C10orf71: variants seen among roughly 807,000 people sequenced by gnomAD.
C10orf71 encodes the protein cardiac-enriched FHL2-interacting protein.
For missense variants in C10orf71, 1,869 were observed against 1,804.5 expected (o/e 1.04, Z -0.65); for synonymous variants, 758 against 726.3 (o/e 1.04, Z -0.70).
rs766572381 is a variant in C10orf71, at chr10:49,325,485, C to G, written c.2940C>G (p.Leu980=). The G allele has an allele frequency of 8.4e-6, 13 of 1,550,398 alleles. No individual in the cohort carries two copies. Among genetic ancestry groups the G allele is most frequent in the Non-Finnish European group, 2.6e-6 (3 of 1,146,176 alleles). ...VKAPPDAAPG[L]VASNCKSGSA... is the part of the protein sequence containing the mutation. ...CACCACCAGATGCTGCACCTGGCCTCGTGGCAAGCAATTGCAAGAGCGGTT... is the reference window on the plus strand; with the variant it reads ...CACCACCAGATGCTGCACCTGGCCTGGTGGCAAGCAATTGCAAGAGCGGTT... The change falls in exon 3 of 3, where the codon CTC becomes CTG. Residue 980 remains leucine (L), a synonymous_variant. Coordinates refer to ENST00000374144, the MANE Select transcript of C10orf71 (RefSeq NM_001135196.2).
intron 1 of C10orf71, among the ~76,000 whole-genome samples, chr10:49,309,211 T>C (rs562481194): frequency 6.6e-6 from 1 of 152,314 alleles, no homozygotes; most frequent in South Asian, 2.1e-4. Context: ...TGAATGTGTG[T>C]GCTCCAAAAT....
chr10:49,301,771 C>T (rs1397811654), intron 1 of C10orf71, among the ~76,000 whole-genome samples: 1 of 152,202 alleles, frequency 6.6e-6, no homozygotes, highest in East Asian at 1.9e-4. Context: ...AAGAAAATCC[C>T]AACAACCAAT....
At chr10:49,320,857 T>G (rs534989075) in intron 2 of C10orf71, among the ~76,000 whole-genome samples, 24 of 152,238 alleles carry the variant, frequency 1.6e-4, no homozygotes, top group Admixed American at 3.9e-4. Flanking sequence ...AAGGCGGAAG[T>G]TCCTCTTCCT....
At chr10:49,319,345 G>GA (rs56197902) in intron 2 of C10orf71, among the ~76,000 whole-genome samples, 16,433 of 138,510 alleles carry the variant, frequency 0.12, 995 homozygotes, top group Admixed American at 0.15. Context: ...CTTTCAAAAA[G>GA]AAAAAAAAAA....
At chr10:49,301,172 C>T (rs1848722494) in intron 1 of C10orf71, among the ~76,000 whole-genome samples, 1 of 152,154 alleles carries the variant, frequency 6.6e-6, no homozygotes, top group South Asian at 2.1e-4. Context: ...TGGGATTTTA[C>T]TCCATATGCC....
At position 49,323,578 on chromosome 10, in the gene C10orf71, A is replaced by T; in HGVS notation, c.1033A>T (p.Thr345Ser). Residue 345 changes from threonine to serine, a missense_variant, in exon 3 of 3, where the codon ACA (threonine) becomes TCA (serine). Transcript: ENST00000374144. ...ENRLAAGALS[T>S]SIPWGCRDPG... ...CAGACTTGCAGCAGGGGCTCTGTCC[A>T]CATCTATACCCTGGGGGTGCAGGGA... 3.7e-6 allele frequency: 6 copies of T among 1,603,702 alleles called. No individual in the cohort carries two copies. Among genetic ancestry groups the T allele is most frequent in the Non-Finnish European group, 5.1e-6 (6 of 1,175,302 alleles).
In C10orf71 at chr10:49,326,104, C is replaced by T. The variant is rs535959830; in HGVS notation, c.3559C>T (p.Leu1187=). The change falls in exon 3 of 3, where the codon CTG becomes TTG. Residue 1187 remains leucine (L), a synonymous_variant. Transcript: ENST00000374144. Reference sequence around the variant, plus strand: ...GAAAGCCCTGCGGCGGGCAAAGAAGCTGGCAAGTAAGAGGAGGAAGACGGA... The same window carrying T: ...GAAAGCCCTGCGGCGGGCAAAGAAGTTGGCAAGTAAGAGGAGGAAGACGGA... ...TEKALRRAKK[L]ASKRRKTDQA... The T allele has an allele frequency of 3.0e-4, 466 of 1,551,722 alleles. 5 individuals carry two copies. The South Asian group carries it at 4.9e-3, about 16-fold the overall frequency.
intron 1 of C10orf71, among the ~76,000 whole-genome samples, chr10:49,306,947 G>T (rs576611978): frequency 6.6e-6 from 1 of 152,324 alleles, no homozygotes; most frequent in East Asian, 1.9e-4. Flanking sequence ...AGGTGCAAGG[G>T]TAAGAAGGAT....
chr10:49,319,677 A>G (rs1001555142), intron 2 of C10orf71, among the ~76,000 whole-genome samples: 1 of 139,576 alleles, frequency 7.2e-6, no homozygotes, highest in Non-Finnish European at 1.5e-5. Context: ...GTACACACAC[A>G]CAAGCTATAT....
At position 49,325,712 on chromosome 10, in the gene C10orf71, C is replaced by T; in HGVS notation, c.3167C>T (p.Ser1056Phe). The T allele has an allele frequency of 6.4e-7, 1 of 1,551,648 alleles. No homozygotes were observed. Among genetic ancestry groups the T allele is most frequent in the Non-Finnish European group, 8.7e-7 (1 of 1,146,930 alleles). The change falls in exon 3 of 3, where the codon TCC (serine) becomes TTC (phenylalanine). Residue 1056 changes from serine (S) to phenylalanine (F), a missense_variant. Ser to Phe is a radical substitution (Grantham distance 155). Transcript: ENST00000374144. Reference sequence around the variant, plus strand: ...CTGGTCCCCAGTGAGAGGGCGAATTCCCCCAACCCCGGCTCCCCCGGGGAG... The same window carrying T: ...CTGGTCCCCAGTGAGAGGGCGAATTTCCCCAACCCCGGCTCCCCCGGGGAG... ...RRLVPSERAN[S>F]PNPGSPGESS...
Position 49,326,805 on chromosome 10 carries a change from C to T in C10orf71, c.4260C>T (p.Ile1420=). ...GTGTAGAAGCTCCAGGCCTGGGCATCATCTCCACTGATGACCTAGAGGACT... is the reference window on the plus strand; with the variant it reads ...GTGTAGAAGCTCCAGGCCTGGGCATTATCTCCACTGATGACCTAGAGGACT... ...EEGVEAPGLG[I]ISTDDLEDFA... The change falls in exon 3 of 3, where the codon ATC becomes ATT. Residue 1420 remains isoleucine, a synonymous_variant. Coordinates refer to ENST00000374144, the MANE Select transcript of C10orf71 (RefSeq NM_001135196.2). 1 of 1,549,680 alleles carries T rather than the reference C, an allele frequency of 6.5e-7. No homozygotes were observed. Among genetic ancestry groups the T allele is most frequent in the Non-Finnish European group, 8.7e-7 (1 of 1,146,970 alleles).
rs1377069613 is a variant in C10orf71 at position 49,325,686 on chromosome 10, A to G, written c.3141A>G (p.Arg1047=). 7 of 1,551,792 alleles carry G rather than the reference A, an allele frequency of 4.5e-6. No homozygotes were observed. The highest frequency in any genetic ancestry group is 6.1e-6 in the Non-Finnish European group (7 of 1,147,032). ...CCAGAGCAGGGCCCCCTGGCAGAAG[A>G]CTGGTCCCCAGTGAGAGGGCGAATT... ...STPRAGPPGR[R]LVPSERANSP... is the part of the protein sequence containing the mutation. The change falls in exon 3 of 3, where the codon AGA becomes AGG. Residue 1047 remains arginine, a synonymous_variant. Transcript: ENST00000374144.
intron 2 of C10orf71, among the ~76,000 whole-genome samples, chr10:49,316,939 AC>A (rs1849008986): frequency 1.3e-5 from 2 of 152,228 alleles, no homozygotes; most frequent in Non-Finnish European, 2.9e-5. Context: ...TATTCAAAAA[AC>A]AAATAGTGAA....
Position 49,326,495 on chromosome 10 carries a change from G to A in C10orf71, c.3950G>A (p.Gly1317Glu). The A allele has an allele frequency of 1.3e-6, 2 of 1,550,320 alleles. No individual in the cohort carries two copies. The highest frequency in any genetic ancestry group is 1.7e-6 in the Non-Finnish European group (2 of 1,146,748). Residue 1317 changes from glycine (G) to glutamate (E), a missense_variant, in exon 3 of 3, where the codon GGG becomes GAG. Transcript: ENST00000374144. ...YVKVSIPSSE[G>E]ASPEPPPPDA... ...AAGGTCTCCATCCCGTCCTCCGAGG[G>A]GGCCTCCCCAGAGCCGCCCCCACCG...
At position 49,327,029 on chromosome 10, in the gene C10orf71, G is replaced by T; in HGVS notation, c.*176G>T. ...CAGAAGGCAGTAGGGATCCCAAGAC[G>T]ACCTCACCCAAAGGGCTCCCTGGCT... On this transcript the variant is annotated 3_prime_UTR_variant, in exon 3 of 3. Transcript: ENST00000374144. 1 of 1,577,258 alleles carries T rather than the reference G, an allele frequency of 6.3e-7. No homozygotes were observed. Among genetic ancestry groups the T allele is most frequent in the Non-Finnish European group, 8.6e-7 (1 of 1,160,086 alleles).
chr10:49,300,541 G>A (rs1590319982), intron 1 of C10orf71, among the ~76,000 whole-genome samples: 1 of 151,678 alleles, frequency 6.6e-6, no homozygotes, highest in Non-Finnish European at 1.5e-5. Context: ...ACCAGTGGCT[G>A]GCTGGCTCCT....
At chr10:49,321,828 C>G (rs1849098459) in intron 2 of C10orf71, among the ~76,000 whole-genome samples, 1 of 152,108 alleles carries the variant, frequency 6.6e-6, no homozygotes, top group Non-Finnish European at 1.5e-5. Context: ...TTTTATATAC[C>G]TGTTTGCCAT....
chr10:49,303,623 G>A (rs1313594979), intron 1 of C10orf71, among the ~76,000 whole-genome samples: 1 of 152,240 alleles, frequency 6.6e-6, no homozygotes, highest in African/African-American at 2.4e-5. Context: ...CAAGGGGCTG[G>A]CGCTGTTCTC....
intron 1 of C10orf71, among the ~76,000 whole-genome samples, chr10:49,308,781 G>A (rs924872620): frequency 6.6e-5 from 10 of 152,162 alleles, no homozygotes; most frequent in Admixed American, 2.0e-4. Flanking sequence ...CTTAAGTCAC[G>A]CTTACGAGAT....
Sources: allele counts gnomAD v4.1 joint callset (sites outside exome capture counted in the v4.1 genomes callset), GRCh38; gene constraint gnomAD v4.1.1; transcripts MANE v1.5; gene names NCBI Gene and HGNC (gene_info 2026-07-23, HGNC 2026-07-21).